UGT2A3: variants seen among roughly 807,000 people sequenced by gnomAD.
The protein encoded by UGT2A3 is UDP-glucuronosyltransferase 2A3.
UGT2A3 carries 55 observed loss-of-function variants against 44.1 expected under a neutral mutation model. That is an observed-to-expected ratio of 1.25 (90% CI 1.00 to 1.56). The LOEUF (loss-of-function observed/expected upper bound fraction) is 1.56. UGT2A3 is among the 40% of genes most tolerant of loss of function. The pLI, the probability that UGT2A3 is intolerant of heterozygous loss-of-function variation, is 0.00. For synonymous variants in UGT2A3, 243 were observed against 215.1 expected (o/e 1.13, Z -1.13); for missense variants, 733 against 621.6 (o/e 1.18, Z -1.91).
At position 68,951,205 on chromosome 4, in the gene UGT2A3, G is replaced by C. The variant is rs267600218; in HGVS notation, c.556C>G (p.Pro186Ala). The C allele has an allele frequency of 1.7e-5, 27 of 1,611,892 alleles. No homozygotes were observed. The highest frequency in any genetic ancestry group is 8.8e-5 in the South Asian group (8 of 90,940). Reference sequence around the variant, plus strand: ...ACAGGTACATAGGAAAGTGGAGCTGGAAGTTTCCCACAGCTTCGCTCCATA... The same window carrying C: ...ACAGGTACATAGGAAAGTGGAGCTGCAAGTTTCCCACAGCTTCGCTCCATA... ...GNMERSCGKLPAPLSYVPVPM... is the reference protein window; with the variant it reads ...GNMERSCGKLAAPLSYVPVPM... Residue 186 changes from proline to alanine, a missense_variant, in exon 1 of 6, where the codon CCA (proline) becomes GCA (alanine). Transcript: ENST00000251566.
chr4:68,935,393 C>T (rs777766652), intron 2 of UGT2A3, among the ~76,000 whole-genome samples: 22 of 149,834 alleles, frequency 1.5e-4, no homozygotes, highest in Non-Finnish European at 2.4e-4. Context: ...GTTCTGCAGC[C>T]TCTTCTGGTG....
intron 2 of UGT2A3, among the ~76,000 whole-genome samples, chr4:68,939,918 A>G (rs1367536530): frequency 6.6e-6 from 1 of 152,318 alleles, no homozygotes; most frequent in African/African-American, 2.4e-5. Flanking sequence ...AAAAGAAGAC[A>G]TTTATGCAGC....
intron 1 of UGT2A3, among the ~76,000 whole-genome samples, chr4:68,948,611 C>T (rs1226045823): frequency 2.0e-5 from 3 of 151,498 alleles, no homozygotes; most frequent in Non-Finnish European, 4.4e-5. Context: ...CTGCAGCTAG[C>T]TAGCTAATTT....
intron 1 of UGT2A3, among the ~76,000 whole-genome samples, chr4:68,949,515 A>G (rs1249784751): frequency 6.6e-6 from 1 of 151,904 alleles, no homozygotes; most frequent in East Asian, 1.9e-4. Context: ...AACAGATATA[A>G]CAATGAAAAA....
intron 2 of UGT2A3, among the ~76,000 whole-genome samples, chr4:68,940,075 T>C (rs1433518292): frequency 6.6e-6 from 1 of 151,952 alleles, no homozygotes; most frequent in Non-Finnish European, 1.5e-5. Context: ...TGTGGGGAAA[T>C]AGGAACGTTT....
chr4:68,942,516 T>TAC (rs1283274622), intron 2 of UGT2A3, among the ~76,000 whole-genome samples: 37 of 11,928 alleles, frequency 3.1e-3, no homozygotes, highest in African/African-American at 4.3e-3. Context: ...TATATATATA[T>TAC]ATATATATAT....
chr4:68,945,502 A>T (rs2109793343), intron 1 of UGT2A3, 48 bp from the exon 2 acceptor site: 1 of 1,479,990 alleles, frequency 6.8e-7, no homozygotes, highest in Non-Finnish European at 9.1e-7. Context: ...TTCAAATAAA[A>T]AATTGTATCA....
At chr4:68,934,194 T>TA (rs764781678) in intron 2 of UGT2A3, among the ~76,000 whole-genome samples, 154 of 151,526 alleles carry the variant, frequency 1.0e-3, no homozygotes, top group Non-Finnish European at 1.7e-3. Context: ...AAACTATAAA[T>TA]AAAAAAACAA....
At chr4:68,931,281 A>C (rs1717727553) in intron 3 of UGT2A3, 39 bp from the exon 4 acceptor site, 1 of 1,472,804 alleles carries the variant, frequency 6.8e-7, no homozygotes, top group African/African-American at 1.4e-5. Flanking sequence ...AGTGAACCAC[A>C]GGATATTAGC....
intron 3 of UGT2A3, among the ~76,000 whole-genome samples, chr4:68,931,519 AT>A (rs1252683610): frequency 1.3e-5 from 2 of 152,102 alleles, no homozygotes; most frequent in Non-Finnish European, 2.9e-5. Flanking sequence ...ATTTAAAAAA[AT>A]AATTCAGCAG....
At chr4:68,943,782 A>G (rs976984255) in intron 2 of UGT2A3, among the ~76,000 whole-genome samples, 1 of 151,768 alleles carries the variant, frequency 6.6e-6, no homozygotes, top group Non-Finnish European at 1.5e-5. Flanking sequence ...GGACAACTAG[A>G]TACAGCCTAC....
At chr4:68,931,721 T>C (rs936097620) in intron 3 of UGT2A3, among the ~76,000 whole-genome samples, 5 of 151,948 alleles carry the variant, frequency 3.3e-5, no homozygotes, top group African/African-American at 1.2e-4. Context: ...CCTGGCCTCT[T>C]TCTTCTTATA....
intron 1 of UGT2A3, among the ~76,000 whole-genome samples, chr4:68,948,098 A>G (rs551763245): frequency 5.9e-5 from 9 of 151,968 alleles, no homozygotes; most frequent in Admixed American, 5.9e-4. Flanking sequence ...TTCTCTAGCT[A>G]TGAAAGTTTT....
At chr4:68,933,342 T>C (rs1334524892) in intron 2 of UGT2A3, among the ~76,000 whole-genome samples, 1 of 152,084 alleles carries the variant, frequency 6.6e-6, no homozygotes, top group East Asian at 1.9e-4. Context: ...AACTTCCCTG[T>C]ACCTGCAATT....
intron 2 of UGT2A3, among the ~76,000 whole-genome samples, chr4:68,935,726 G>A (rs991775749): frequency 6.6e-6 from 1 of 152,004 alleles, no homozygotes; most frequent in African/African-American, 2.4e-5. Flanking sequence ...TGAGCTGACA[G>A]AAGTAGACTT....
At chr4:68,946,130 A>C (rs904060786) in intron 1 of UGT2A3, among the ~76,000 whole-genome samples, 4 of 151,672 alleles carry the variant, frequency 2.6e-5, no homozygotes, top group Admixed American at 2.0e-4. Context: ...GTTTCTCTCA[A>C]ATGATGTGTT....
intron 2 of UGT2A3, among the ~76,000 whole-genome samples, chr4:68,939,363 G>A (rs1718093363): frequency 1.3e-5 from 2 of 152,024 alleles, no homozygotes; most frequent in African/African-American, 4.8e-5. Flanking sequence ...ACAGACCAAT[G>A]GAACAGAACA....
intron 2 of UGT2A3, among the ~76,000 whole-genome samples, chr4:68,935,276 G>GTATATATA (rs57286694): frequency 0.012 from 701 of 59,716 alleles, 18 homozygotes; most frequent in Middle Eastern, 0.024. Context: ...ATGTATGTAT[G>GTATATATA]TATATATATA....
rs755125201 is a variant in UGT2A3, at chr4:68,951,532, C to T, written c.229G>A (p.Val77Ile). Residue 77 changes from valine (V) to isoleucine (I), a missense_variant, in exon 1 of 6, where the codon GTC becomes ATC. Coordinates refer to ENST00000251566, the MANE Select transcript of UGT2A3 (RefSeq NM_024743.4). ...RKPSALKFEV[V>I]HMPQDRTEEN... ...TCTGTTCTGTCCTGTGGCATATGGA[C>T]CACCTCAAATTTCAATGCAGAAGGC... The T allele has an allele frequency of 1.3e-5, 21 of 1,612,896 alleles. 1 individual carries two copies. The South Asian group carries it at 2.2e-4, about 17-fold the overall frequency.
Sources: allele counts gnomAD v4.1 joint callset (sites outside exome capture counted in the v4.1 genomes callset), GRCh38; gene constraint gnomAD v4.1.1; transcripts MANE v1.5; gene names NCBI Gene and HGNC (gene_info 2026-07-23, HGNC 2026-07-21).